LINGO2: variants seen among roughly 807,000 people sequenced by gnomAD.
The protein encoded by LINGO2 is leucine-rich repeat and immunoglobulin-like domain-containing nogo receptor-interacting protein 2.
In LINGO2, 14 loss-of-function variants were observed where a neutral mutation model predicts 30.6. That is an observed-to-expected ratio of 0.46 (90% confidence interval 0.30 to 0.72). LINGO2 has a LOEUF of 0.72. Among genes scored for constraint, LINGO2 ranks in the 30% least tolerant of loss-of-function variants. LINGO2 has a pLI of 0.07. For missense variants in LINGO2, 729 were observed against 751.7 expected (o/e 0.97, Z 0.35); for synonymous variants, 317 against 288.5 (o/e 1.10, Z -1.00).
chr9:28,657,316 G>T (rs1340914509), intron 1 of LINGO2, among the ~76,000 whole-genome samples: 1 of 151,908 alleles, frequency 6.6e-6, no homozygotes, highest in Non-Finnish European at 1.5e-5. Context: ...AATTTGAAAA[G>T]TATTACTGTT....
the LINGO2 span, among the ~76,000 whole-genome samples, chr9:28,724,064 T>C: frequency 6.6e-6 from 1 of 152,206 alleles, no homozygotes. Context: ...AGAAGATAAA[T>C]TAAGGCTAAC....
intron 2 of LINGO2, among the ~76,000 whole-genome samples, chr9:28,421,711 A>G (rs1384779176): frequency 6.6e-6 from 1 of 152,058 alleles, no homozygotes; most frequent in East Asian, 1.9e-4. Context: ...TAATTGAAAA[A>G]AATTCATACA....
intron 4 of LINGO2, among the ~76,000 whole-genome samples, chr9:28,260,035 G>C (rs1822511627): frequency 1.3e-5 from 2 of 151,656 alleles, no homozygotes; most frequent in African/African-American, 4.8e-5. Flanking sequence ...AAGATACCCT[G>C]TTTGCCTATA....
chr9:28,365,303 T>A (rs1238871533), intron 3 of LINGO2, among the ~76,000 whole-genome samples: 1 of 152,054 alleles, frequency 6.6e-6, no homozygotes, highest in Non-Finnish European at 1.5e-5. Flanking sequence ...AGGTTGAAAA[T>A]GTCACCTGGG....
the LINGO2 span, among the ~76,000 whole-genome samples, chr9:28,957,770 G>T: frequency 2.8e-4 from 43 of 152,262 alleles, no homozygotes; most frequent in African/African-American, 9.9e-4. Context: ...TCTACCTGAA[G>T]ATTTTAACAT....
intron 4 of LINGO2, among the ~76,000 whole-genome samples, chr9:28,091,097 C>T (rs1166120232): frequency 6.6e-6 from 1 of 152,156 alleles, no homozygotes; most frequent in Non-Finnish European, 1.5e-5. Flanking sequence ...ATTCCATGCT[C>T]ATGGATAGGA....
At chr9:28,789,986 C>T in the LINGO2 span, among the ~76,000 whole-genome samples, 2 of 152,178 alleles carry the variant, frequency 1.3e-5, no homozygotes, top group Admixed American at 1.3e-4. Flanking sequence ...GTAGTCCCCC[C>T]TTGCCCATGG....
rs72724953 is a variant in LINGO2, at chr9:28,045,304, G to A, written c.-86-32899C>T. Among the ~76,000 whole-genome samples, 4 of 152,184 alleles carry A rather than the reference G, an allele frequency of 2.6e-5. No individual in the cohort carries two copies. In the South Asian group the frequency reaches 6.2e-4, roughly 24 times the overall value. On this transcript the variant is annotated intron_variant, in intron 4 of 5. Coordinates refer to ENST00000379992, the Ensembl canonical transcript of LINGO2. Reference sequence around the variant, plus strand: ...ATTTTTAACCTCACCCTGACAGAGGGAGAGTTAAACTTTGAGTATTTTATA... The same window carrying A: ...ATTTTTAACCTCACCCTGACAGAGGAAGAGTTAAACTTTGAGTATTTTATA...
At chr9:28,811,636 C>T in the LINGO2 span, among the ~76,000 whole-genome samples, 1 of 151,970 alleles carries the variant, frequency 6.6e-6, no homozygotes, top group South Asian at 2.1e-4. Flanking sequence ...TAATTTCTAC[C>T]TTGTGTTTTA....
At chr9:28,187,155 T>A (rs1819569942) in intron 4 of LINGO2, among the ~76,000 whole-genome samples, 2 of 152,080 alleles carry the variant, frequency 1.3e-5, no homozygotes, top group African/African-American at 4.8e-5. Flanking sequence ...GGGTATATTT[T>A]AAAGATAGGG....
rs537031035 is a variant in LINGO2, at chr9:28,179,804, C to G, written c.-87+115404G>C. On this transcript the variant is annotated intron_variant, in intron 4 of 5. Coordinates refer to ENST00000379992, the Ensembl canonical transcript of LINGO2. ...TGCAACATGTTACTCATTTTGTTTT[C>G]TCTTTCTCACTTTTTTCCTCATGAA... is the stretch of plus-strand genomic sequence containing the variant. Among the ~76,000 whole-genome samples the G allele has an allele frequency of 9.5e-4, 143 of 151,060 alleles. 1 individual carries two copies. The highest frequency in any genetic ancestry group is 3.4e-3 in the African/African-American group (139 of 41,280).
chr9:28,048,671 C>CACTT (rs1824532272), intron 4 of LINGO2, among the ~76,000 whole-genome samples: 1 of 150,670 alleles, frequency 6.6e-6, no homozygotes, highest in South Asian at 2.1e-4. Flanking sequence ...ATGCACAGAA[C>CACTT]ACTTATCTAC....
the LINGO2 span, among the ~76,000 whole-genome samples, chr9:28,864,827 T>A: frequency 6.6e-6 from 1 of 152,134 alleles, no homozygotes; most frequent in Non-Finnish European, 1.5e-5. Context: ...AAAAAAAATA[T>A]TTGTTTTGCG....
At chr9:28,595,591 T>A (rs1825136029) in intron 1 of LINGO2, among the ~76,000 whole-genome samples, 1 of 152,086 alleles carries the variant, frequency 6.6e-6, no homozygotes, top group African/African-American at 2.4e-5. Context: ...CAATAGTGAG[T>A]GTACAAAAAT....
intron 1 of LINGO2, among the ~76,000 whole-genome samples, chr9:28,635,981 C>A (rs1309417035): frequency 6.6e-6 from 1 of 152,060 alleles, no homozygotes; most frequent in Non-Finnish European, 1.5e-5. Context: ...CCACTCTCCC[C>A]ACCCCACAAC....
the LINGO2 span, among the ~76,000 whole-genome samples, chr9:29,127,792 T>C: frequency 6.6e-6 from 1 of 152,148 alleles, no homozygotes; most frequent in Non-Finnish European, 1.5e-5. Flanking sequence ...TTATAGTCCC[T>C]GATCCCTACA....
chr9:28,691,618 A>G, the LINGO2 span, among the ~76,000 whole-genome samples: 1 of 152,218 alleles, frequency 6.6e-6, no homozygotes, highest in Non-Finnish European at 1.5e-5. Flanking sequence ...ACATCTACAT[A>G]TTAAAAAATT....
In LINGO2 at chr9:28,051,216, T is replaced by C. The variant is rs117079056; in HGVS notation, c.-86-38811A>G. ...TCATGACTACAACACCATCAGCTAG[T>C]ATAGTTTTCTCCAAAGTGAAGACTG... On this transcript the variant is annotated intron_variant, in intron 4 of 5. Transcript: ENST00000379992. Among the ~76,000 whole-genome samples, 73 of 152,066 alleles carry C rather than the reference T, an allele frequency of 4.8e-4. 2 individuals are homozygous for C. Among genetic ancestry groups the C allele is most frequent in the South Asian group, 4.4e-3 (21 of 4,808 alleles).
chr9:28,931,656 CAACTTTTTGACTCTAAGAGCTTA>C, the LINGO2 span, among the ~76,000 whole-genome samples: 1 of 152,106 alleles, frequency 6.6e-6, no homozygotes, highest in Non-Finnish European at 1.5e-5. Context: ...AATTGCTTTA[CAACTTTTTGACTCTAAGAGCTTA>C]GGTTGAGGAA....
Sources: gnomAD v4.1 joint callset for allele counts (sites outside exome capture counted in the v4.1 genomes callset) on GRCh38, gnomAD v4.1.1 for gene constraint, MANE v1.5 for transcripts, NCBI Gene and HGNC (gene_info 2026-07-23, HGNC 2026-07-21) for gene names.